The following TANC2 variants were observed in gnomAD, a reference collection of about 807,000 sequenced individuals.
TANC2 encodes the protein protein TANC2.
A neutral mutation model predicts 210.5 loss-of-function variants in TANC2; 26 were observed. The ratio of observed to expected loss-of-function variants is 0.12; its 90% CI spans 0.09 to 0.17. The LOEUF (loss-of-function observed/expected upper bound fraction) is 0.17, where lower values mean the gene tolerates loss of function less well. Ranked by LOEUF, TANC2 falls within the 10% of genes least tolerant of loss-of-function variation. TANC2 has a pLI of 1.00. For synonymous variants in TANC2, 931 were observed against 967.1 expected (o/e 0.96, Z 0.69); for missense variants, 2,129 against 2,608.9 (o/e 0.82, Z 4.01).
intron 7 of TANC2, among the ~76,000 whole-genome samples, chr17:63,218,850 C>T (rs1438331095): frequency 2.0e-5 from 3 of 151,904 alleles, no homozygotes; most frequent in East Asian, 1.9e-4. Flanking sequence ...GCTGAGATCA[C>T]GCCACTTCAC....
At chr17:62,999,324 G>C (rs1787822767) in intron 1 of TANC2, among the ~76,000 whole-genome samples, 1 of 152,152 alleles carries the variant, frequency 6.6e-6, no homozygotes, top group African/African-American at 2.4e-5. Flanking sequence ...TGTGCTTCCT[G>C]TACAGCCTGC....
At chr17:63,395,043 A>G (rs563211808) in intron 17 of TANC2, among the ~76,000 whole-genome samples, 1 of 152,316 alleles carries the variant, frequency 6.6e-6, no homozygotes, top group South Asian at 2.1e-4. Flanking sequence ...CCTACCAGAA[A>G]AGGCTACTCA....
At position 63,396,045 on chromosome 17, in the gene TANC2, C is replaced by CG; in HGVS notation, c.3237+118dup. 3 of 925,968 alleles carry CG rather than the reference C, an allele frequency of 3.2e-6. No homozygotes were observed. In the Admixed American group the frequency reaches 8.3e-5, roughly 25 times the overall value. 57.4% of individuals were successfully genotyped at this position (925,968 alleles called of 1,614,324 possible). ...AACCAAATTAATGTGAATTCGTGAT[C>CG]GCTGCTCTGAATAATAAGGAGATTA... On this transcript the variant is annotated intron_variant, in intron 18 of 27. Transcript: ENST00000689528.
At chr17:63,351,368 G>C in exon 13 of TANC2, 1 of 1,610,218 alleles carries the variant, frequency 6.2e-7, no homozygotes, top group Non-Finnish European at 8.5e-7. Flanking sequence ...TGATCGGAAA[G>C]TTTCCTTCTT....
intron 2 of TANC2, among the ~76,000 whole-genome samples, chr17:63,039,767 A>C (rs7207214): frequency 6.6e-6 from 1 of 151,866 alleles, no homozygotes; most frequent in Non-Finnish European, 1.5e-5. Flanking sequence ...GATTCTGGCC[A>C]GTAAGGATGA....
At chr17:63,234,005 T>A (rs2042551156) in intron 7 of TANC2, among the ~76,000 whole-genome samples, 1 of 152,192 alleles carries the variant, frequency 6.6e-6, no homozygotes, top group African/African-American at 2.4e-5. Flanking sequence ...TTTAGGTGAA[T>A]GTGAAGTTGT....
chr17:63,289,820 T>C (rs1478088257), intron 9 of TANC2, among the ~76,000 whole-genome samples: 1 of 152,164 alleles, frequency 6.6e-6, no homozygotes, highest in Non-Finnish European at 1.5e-5. Context: ...TTATTAATCA[T>C]GTGGTAGTGA....
intron 21 of TANC2, among the ~76,000 whole-genome samples, chr17:63,410,420 A>G (rs2048657889): frequency 6.8e-6 from 1 of 146,932 alleles, no homozygotes; most frequent in South Asian, 2.2e-4. Flanking sequence ...ATTAAACTCT[A>G]GATTTCTTTC....
chr17:63,194,491 A>G (rs1367185607), intron 6 of TANC2, among the ~76,000 whole-genome samples: 1 of 152,240 alleles, frequency 6.6e-6, no homozygotes, highest in African/African-American at 2.4e-5. Context: ...AGGTCTTGAC[A>G]AATTTCCAAA....
chr17:63,295,838 A>G (rs530016959), intron 9 of TANC2, among the ~76,000 whole-genome samples: 1 of 152,336 alleles, frequency 6.6e-6, no homozygotes, highest in Admixed American at 6.5e-5. Context: ...AGACTTGTCC[A>G]TAAAAATACT....
At chr17:63,391,425 G>A (rs1490288982) in intron 17 of TANC2, 1 of 152,128 alleles carries the variant, frequency 6.6e-6, no homozygotes, top group African/African-American at 2.4e-5. Flanking sequence ...TTATACAAGG[G>A]CTTGAACAAG....
intron 4 of TANC2, chr17:63,150,803 C>T (rs2039623900): frequency 6.6e-6 from 1 of 152,104 alleles, no homozygotes; most frequent in Non-Finnish European, 1.5e-5. Context: ...CTTTTGATTA[C>T]AGTTATTATA....
At chr17:63,017,299 A>G (rs1042478406) in intron 2 of TANC2, among the ~76,000 whole-genome samples, 4 of 152,226 alleles carry the variant, frequency 2.6e-5, no homozygotes, top group Non-Finnish European at 5.9e-5. Context: ...TCAGTAAATG[A>G]TAAAGATAAA....
chr17:63,360,053 G>A (rs1036834456), intron 14 of TANC2, among the ~76,000 whole-genome samples: 1 of 152,166 alleles, frequency 6.6e-6, no homozygotes, highest in African/African-American at 2.4e-5. Context: ...TTTGTCTAAG[G>A]AAAAAGAGAG....
intron 8 of TANC2, among the ~76,000 whole-genome samples, chr17:63,256,429 A>G (rs753517425): frequency 6.6e-6 from 1 of 152,036 alleles, no homozygotes; most frequent in African/African-American, 2.4e-5. Flanking sequence ...CTTGTTACTC[A>G]TGTCTAGTTT....
intron 2 of TANC2, among the ~76,000 whole-genome samples, chr17:63,036,355 A>G (rs750673365): frequency 1.3e-5 from 2 of 152,142 alleles, no homozygotes; most frequent in African/African-American, 2.4e-5. Flanking sequence ...TTCTAACACC[A>G]TTGTTGAAAA....
At chr17:63,055,396 G>A (rs2035732301) in intron 2 of TANC2, among the ~76,000 whole-genome samples, 1 of 101,818 alleles carries the variant, frequency 9.8e-6, no homozygotes, top group African/African-American at 6.8e-5. Flanking sequence ...TTAACAGTAT[G>A]CTGATTAAAA....
chr17:63,278,720 T>C (rs778450154), intron 9 of TANC2, among the ~76,000 whole-genome samples: 16 of 152,192 alleles, frequency 1.1e-4, no homozygotes, highest in Non-Finnish European at 1.5e-4. Context: ...AGACAGAAAC[T>C]ACCTAAATGT....
chr17:63,038,660 AT>A (rs533932509), intron 2 of TANC2, among the ~76,000 whole-genome samples: 49 of 151,512 alleles, frequency 3.2e-4, no homozygotes, highest in African/African-American at 5.3e-4. Flanking sequence ...CTTTTTCATA[AT>A]TTTTTTTTAA....
Sources: allele counts gnomAD v4.1 joint callset (sites outside exome capture counted in the v4.1 genomes callset), GRCh38; gene constraint gnomAD v4.1.1; transcripts MANE v1.5; gene names NCBI Gene and HGNC (gene_info 2026-07-23, HGNC 2026-07-21).